The following PTCHD4 variants were observed in gnomAD, a reference collection of about 807,000 sequenced individuals.
The protein encoded by PTCHD4 is patched domain-containing protein 4.
Under a neutral mutation model 58.1 loss-of-function variants are expected in PTCHD4, and 33 were observed. The observed-to-expected ratio is 0.57, with a 90% confidence interval of 0.43 to 0.76. The LOEUF (loss-of-function observed/expected upper bound fraction) is 0.76. PTCHD4 is among the 30% of genes least tolerant of loss of function. The pLI is 0.00. For missense variants in PTCHD4, 1,058 were observed against 1,027.1 expected, an observed-to-expected ratio of 1.03 and a Z score of -0.41; for synonymous variants, 478 against 409.6, an observed-to-expected ratio of 1.17 and a Z score of -2.02.
chr6:48,089,404 C>T (rs201974301), intron 1 of PTCHD4, among the ~76,000 whole-genome samples: 2 of 152,066 alleles, frequency 1.3e-5, no homozygotes, highest in East Asian at 1.9e-4. Flanking sequence ...TAGCGATAAC[C>T]ACACAGAAAT....
intron 1 of PTCHD4, among the ~76,000 whole-genome samples, chr6:48,086,586 T>G (rs1457070105): frequency 6.6e-6 from 1 of 152,024 alleles, no homozygotes; most frequent in Admixed American, 6.6e-5. Flanking sequence ...GGAGAAGATA[T>G]ACTCACTTAT....
intron 3 of PTCHD4, among the ~76,000 whole-genome samples, chr6:48,009,592 G>C (rs1325706): frequency 0.97 from 148,047 of 152,336 alleles, 71,952 homozygotes; most frequent in East Asian, 1. Flanking sequence ...TGCCAACACT[G>C]ATACAAGTAC....
intron 4 of PTCHD4, among the ~76,000 whole-genome samples, chr6:47,934,676 G>A (rs1765939777): frequency 6.6e-6 from 1 of 152,006 alleles, no homozygotes; most frequent in Non-Finnish European, 1.5e-5. Flanking sequence ...TAAAGCATTT[G>A]GGTCTGAAAT....
In PTCHD4 at chr6:47,878,970, A is replaced by G. The variant is rs1242598815; in HGVS notation, c.1865T>C (p.Val622Ala). The change falls in exon 5 of 5, where the codon GTG (valine) becomes GCG (alanine). Residue 622 changes from valine to alanine, a missense_variant. Coordinates refer to ENST00000339488, the MANE Select transcript of PTCHD4 (RefSeq NM_001384253.1). Reference protein sequence around the residue: ...SRDKQKEITEVLEKLRPLSLS... With the variant: ...SRDKQKEITEALEKLRPLSLS... ...GGATAGGGGCCTCAGCTTTTCCAAC[A>G]CTTCTGTGATTTCTTTCTGCTTGTC... 5 of 1,612,860 alleles carry G rather than the reference A, an allele frequency of 3.1e-6. No homozygotes were observed. The highest frequency in any genetic ancestry group is 4.2e-6 in the Non-Finnish European group (5 of 1,179,770).
chr6:47,960,489 A>G (rs1187128088), intron 4 of PTCHD4, among the ~76,000 whole-genome samples: 1 of 152,152 alleles, frequency 6.6e-6, no homozygotes, highest in Admixed American at 6.5e-5. Flanking sequence ...ACATACGAGT[A>G]TGTTTAAAGA....
At chr6:48,046,950 T>C (rs1582073570) in intron 3 of PTCHD4, among the ~76,000 whole-genome samples, 2 of 151,796 alleles carry the variant, frequency 1.3e-5, no homozygotes, top group East Asian at 3.9e-4. Flanking sequence ...GAAAAAACAG[T>C]GTGGATGCTC....
rs1387696537 is a variant in PTCHD4, at chr6:47,861,114, C to T, written c.*17189G>A. Among the ~76,000 whole-genome samples, 3 of 151,944 alleles carry T rather than the reference C, an allele frequency of 2.0e-5. No individual in the cohort carries two copies. The highest frequency in any genetic ancestry group is 1.9e-4 in the East Asian group (1 of 5,130). ...AAATTTCAAACATGTTGGAACTTGG[C>T]GTGAAGAAGGGCAAGATTGTTTTTC... On this transcript the variant is annotated 3_prime_UTR_variant, in exon 5 of 5. Coordinates refer to ENST00000339488, the MANE Select transcript of PTCHD4 (RefSeq NM_001384253.1).
rs374107023 is a variant in PTCHD4, at chr6:47,952,047, G to A, written c.898+56587C>T. Among the ~76,000 whole-genome samples, 163 of 152,202 alleles carry A rather than the reference G, an allele frequency of 1.1e-3. 1 individual carries two copies. The South Asian group carries it at 0.032, about 30-fold the overall frequency. On this transcript the variant is annotated intron_variant, in intron 4 of 4. Transcript: ENST00000339488. ...TTAATATTGTTAGTCAAATATAGGAGAGGACGGCTCAGAGAGGCTGGATGT... is the reference window on the plus strand; with the variant it reads ...TTAATATTGTTAGTCAAATATAGGAAAGGACGGCTCAGAGAGGCTGGATGT...
chr6:47,956,475 C>A (rs1166161163), intron 4 of PTCHD4, among the ~76,000 whole-genome samples: 1 of 151,526 alleles, frequency 6.6e-6, no homozygotes, highest in Non-Finnish European at 1.5e-5. Context: ...GCTATGTCAT[C>A]CAGGCTGGAG....
At chr6:47,998,696 C>T (rs1428090911) in intron 4 of PTCHD4, among the ~76,000 whole-genome samples, 3 of 152,148 alleles carry the variant, frequency 2.0e-5, no homozygotes, top group Non-Finnish European at 4.4e-5. Flanking sequence ...AAATGCTTGA[C>T]ATAAAATTCA....
chr6:48,068,485 G>A lies in PTCHD4; in HGVS notation c.162C>T (p.Gly54=), dbSNP rs767661165. The A allele has an allele frequency of 1.9e-6, 3 of 1,613,342 alleles. No homozygotes were observed. Among genetic ancestry groups the A allele is most frequent in the Non-Finnish European group, 2.5e-6 (3 of 1,179,816 alleles). ...GCTGGAAGCGGTTGAGCGCGCTGAGGCCGAAGGTGATTGTCAGGACTGCGG... is the reference window on the plus strand; with the variant it reads ...GCTGGAAGCGGTTGAGCGCGCTGAGACCGAAGGTGATTGTCAGGACTGCGG... ...TVPAVLTITF[G]LSALNRFQPE... Residue 54 remains glycine (G), a synonymous_variant, in exon 3 of 5, where the codon GGC becomes GGT. Transcript: ENST00000339488. The surrounding 1 kb of genome is among the most constrained non-coding windows in gnomAD (Gnocchi z 4.2).
intron 3 of PTCHD4, among the ~76,000 whole-genome samples, chr6:48,050,077 G>T (rs1397237669): frequency 6.6e-6 from 1 of 151,898 alleles, no homozygotes; most frequent in African/African-American, 2.4e-5. Flanking sequence ...AATTATGTAA[G>T]GTCATTCTAC....
At chr6:47,958,993 A>G (rs1442824230) in intron 4 of PTCHD4, among the ~76,000 whole-genome samples, 1 of 152,224 alleles carries the variant, frequency 6.6e-6, no homozygotes, top group Non-Finnish European at 1.5e-5. Context: ...AGTCTCAATA[A>G]CAATCATAGA....
intron 3 of PTCHD4, among the ~76,000 whole-genome samples, chr6:48,026,066 A>G (rs1431030462): frequency 1.3e-5 from 2 of 152,106 alleles, no homozygotes; most frequent in Non-Finnish European, 1.5e-5. Context: ...GTATCACCCT[A>G]AGGAATTTGG....
intron 3 of PTCHD4, among the ~76,000 whole-genome samples, chr6:48,064,332 C>G (rs901869906): frequency 6.6e-6 from 1 of 151,940 alleles, no homozygotes; most frequent in Non-Finnish European, 1.5e-5. Context: ...TTATGTTGGC[C>G]TACCTAAAAA....
chr6:47,981,491 G>A (rs1398310035), intron 4 of PTCHD4, among the ~76,000 whole-genome samples: 1 of 151,818 alleles, frequency 6.6e-6, no homozygotes, highest in Non-Finnish European at 1.5e-5. Flanking sequence ...GCGTCATGGT[G>A]TTTGTATTTT....
chr6:48,004,928 A>G (rs998481511), intron 4 of PTCHD4, among the ~76,000 whole-genome samples: 3 of 152,224 alleles, frequency 2.0e-5, no homozygotes, highest in Non-Finnish European at 4.4e-5. Flanking sequence ...AAAGAAAAAA[A>G]AAATTATTAG....
intron 4 of PTCHD4, among the ~76,000 whole-genome samples, chr6:47,912,592 C>T (rs1195381573): frequency 6.6e-6 from 1 of 152,056 alleles, no homozygotes; most frequent in Non-Finnish European, 1.5e-5. Context: ...TTCCTTCATA[C>T]CTTCTTTGAA....
intron 4 of PTCHD4, among the ~76,000 whole-genome samples, chr6:47,996,139 A>G (rs1768477459): frequency 6.6e-6 from 1 of 152,058 alleles, no homozygotes; most frequent in African/African-American, 2.4e-5. Context: ...GAAACTTGTC[A>G]TGTGAAATAT....
Sources: gnomAD v4.1 joint callset for allele counts (sites outside exome capture counted in the v4.1 genomes callset) on GRCh38, gnomAD v4.1.1 for gene constraint, Gnocchi (gnomAD v3.1) non-coding constraint, MANE v1.5 for transcripts, NCBI Gene and HGNC (gene_info 2026-07-23, HGNC 2026-07-21) for gene names.